The following UGT1A7 variants were observed in gnomAD, a reference collection of about 807,000 sequenced individuals.
The protein encoded by UGT1A7 is UDP-glucuronosyltransferase 1A7.
In UGT1A7, 33 loss-of-function variants were observed where a neutral mutation model predicts 45.6. The ratio of observed to expected loss-of-function variants is 0.72; its 90% CI spans 0.55 to 0.97. UGT1A7 has a LOEUF of 0.97. UGT1A7 is among the 50% of genes least tolerant of loss of function. UGT1A7 has a pLI of 0.00. For missense variants in UGT1A7, 684 were observed against 666.2 expected (o/e 1.03, Z -0.29); for synonymous variants, 274 against 250.6 (o/e 1.09, Z -0.88).
intron 1 of UGT1A7, among the ~76,000 whole-genome samples, chr2:233,764,785 C>T (rs567027233): frequency 9.9e-5 from 15 of 152,240 alleles, no homozygotes; most frequent in African/African-American, 3.4e-4. Flanking sequence ...GAAAAACCAT[C>T]CTCAGGGTGT....
At chr2:233,763,341 T>G (rs1156611161) in intron 1 of UGT1A7, among the ~76,000 whole-genome samples, 1 of 152,260 alleles carries the variant, frequency 6.6e-6, no homozygotes, top group Admixed American at 6.5e-5. Context: ...TACATTTCCC[T>G]AGCACATCTT....
chr2:233,761,191 T>G, intron 1 of UGT1A7: 1 of 1,614,162 alleles, frequency 6.2e-7, no homozygotes, highest in Non-Finnish European at 8.5e-7. Context: ...GTATATTCTT[T>G]CAGATGTATT....
chr2:233,684,753 G>T (rs1333978676), intron 1 of UGT1A7, among the ~76,000 whole-genome samples: 1 of 152,046 alleles, frequency 6.6e-6, no homozygotes, highest in African/African-American at 2.4e-5. Context: ...TATCAAAGAA[G>T]AATTCAGATC....
intron 1 of UGT1A7, among the ~76,000 whole-genome samples, chr2:233,725,523 T>C (rs970179720): frequency 6.6e-6 from 1 of 152,060 alleles, no homozygotes; most frequent in African/African-American, 2.4e-5. Context: ...TAAGGCATTG[T>C]TTAACCAGAC....
rs369861347 is a variant in UGT1A7 at position 233,704,965 on chromosome 2, A to G, written c.855+22173A>G. On this transcript the variant is annotated intron_variant, in intron 1 of 4. Coordinates refer to ENST00000373426, the MANE Select transcript of UGT1A7 (RefSeq NM_019077.3). ...AGCCTGGCCAACATGGTGAAACCCC[A>G]TCTCTACTTAAAATACAGAAATTAG... Among the ~76,000 whole-genome samples the G allele has an allele frequency of 7.9e-5, 12 of 152,064 alleles. 1 individual carries two copies. In the East Asian group the frequency reaches 1.2e-3, roughly 15 times the overall value.
chr2:233,772,833 T>TTTAC lies in UGT1A7; in HGVS notation c.*274_*275insTTAC. 1.1e-6 allele frequency: 1 copy of TTTAC among 879,514 alleles called. No homozygotes were observed. Among genetic ancestry groups the TTTAC allele is most frequent in the Non-Finnish European group, 1.6e-6 (1 of 630,664 alleles). The allele number at this position is 879,514 out of a possible 1,614,324, so 54.5% of individuals were successfully genotyped here. A position where few individuals can be genotyped will look rare whatever the true frequency, so the allele number is the denominator to read the frequency against. ...AGGACGTGCAGACAGGCTGGCATTC[T>TTTAC]AGATTACTTTTCTTACTCTGAAACA... On this transcript the variant is annotated 3_prime_UTR_variant, in exon 5 of 5. Transcript: ENST00000373426.
intron 1 of UGT1A7, chr2:233,693,707 G>T (rs199908505): frequency 6.2e-7 from 1 of 1,614,202 alleles, no homozygotes; most frequent in Non-Finnish European, 8.5e-7. Flanking sequence ...ACTCGCATCA[G>T]CTGTCCTCAA....
intron 1 of UGT1A7, among the ~76,000 whole-genome samples, chr2:233,706,519 A>C (rs2075911492): frequency 6.6e-6 from 1 of 152,224 alleles, no homozygotes; most frequent in Non-Finnish European, 1.5e-5. Context: ...AGGATTTTAC[A>C]GCGGCTTAGA....
intron 1 of UGT1A7, among the ~76,000 whole-genome samples, chr2:233,709,124 G>A (rs1026369673): frequency 6.6e-6 from 1 of 152,064 alleles, no homozygotes; most frequent in Admixed American, 6.5e-5. Flanking sequence ...TAATCATGGT[G>A]GCCAAGGGGA....
rs575083074 is a variant in UGT1A7, at chr2:233,732,492, C to T, written c.856-34542C>T. ...ATCTGGAATTAATTTTTGTATAAGGCGTAAGGAAGGGATCCTGTTCCAGCT... is the reference window on the plus strand; with the variant it reads ...ATCTGGAATTAATTTTTGTATAAGGTGTAAGGAAGGGATCCTGTTCCAGCT... On this transcript the variant is annotated intron_variant, in intron 1 of 4. Transcript: ENST00000373426. 1.1e-3 allele frequency among the ~76,000 whole-genome samples: 168 copies of T among 152,214 alleles called. 2 individuals are homozygous for T. Among genetic ancestry groups the T allele is most frequent in the Middle Eastern group, 0.01 (3 of 294 alleles).
chr2:233,748,538 A>C (rs879259422), intron 1 of UGT1A7, among the ~76,000 whole-genome samples: 4 of 151,868 alleles, frequency 2.6e-5, no homozygotes, highest in Admixed American at 2.6e-4. Context: ...AGGTGACCAC[A>C]GGAGACCTAA....
chr2:233,713,567 C>A (rs1231652913), intron 1 of UGT1A7: 9 of 1,613,854 alleles, frequency 5.6e-6, no homozygotes, highest in Non-Finnish European at 7.6e-6. Flanking sequence ...ACCCTTCCTC[C>A]TATATTCCTA....
At chr2:233,762,313 T>A (rs1035982374) in intron 1 of UGT1A7, among the ~76,000 whole-genome samples, 5 of 152,234 alleles carry the variant, frequency 3.3e-5, no homozygotes, top group Admixed American at 3.3e-4. Context: ...AGTTAATGGG[T>A]CGAGAGTAAT....
intron 1 of UGT1A7, chr2:233,755,466 T>C: frequency 4.1e-6 from 1 of 241,540 alleles, no homozygotes; most frequent in Non-Finnish European, 8.3e-6. Context: ...CCCTGCTCTC[T>C]GTGAGGCTCT....
chr2:233,749,182 C>G (rs1694137335), intron 1 of UGT1A7, among the ~76,000 whole-genome samples: 1 of 151,722 alleles, frequency 6.6e-6, no homozygotes, highest in Admixed American at 6.6e-5. Flanking sequence ...TTCTGTACTT[C>G]TTTTTATTAA....
chr2:233,698,691 TA>T (rs937682275), intron 1 of UGT1A7, among the ~76,000 whole-genome samples: 1 of 152,038 alleles, frequency 6.6e-6, no homozygotes, highest in Non-Finnish European at 1.5e-5. Flanking sequence ...AATACATTTC[TA>T]AAAAAAATGT....
chr2:233,747,872 G>C, intron 1 of UGT1A7: 5 of 1,613,496 alleles, frequency 3.1e-6, no homozygotes, highest in Non-Finnish European at 4.2e-6. Context: ...CTCTGGCCCT[G>C]TCCTACCTTT....
intron 1 of UGT1A7, chr2:233,692,094 C>T (rs1233330203): frequency 1.3e-5 from 2 of 152,126 alleles, no homozygotes; most frequent in African/African-American, 4.8e-5. Context: ...TTGATTTGAT[C>T]ACCGATGGGC....
intron 1 of UGT1A7, among the ~76,000 whole-genome samples, chr2:233,745,254 T>TA (rs1247734907): frequency 2.6e-5 from 4 of 151,822 alleles, no homozygotes; most frequent in African/African-American, 9.7e-5. Flanking sequence ...TCGAAACCAT[T>TA]AAGACTTGCA....
Sources: allele counts gnomAD v4.1 joint callset (sites outside exome capture counted in the v4.1 genomes callset), GRCh38; gene constraint gnomAD v4.1.1; transcripts MANE v1.5; gene names NCBI Gene and HGNC (gene_info 2026-07-23, HGNC 2026-07-21).